The following SLC2A9 variants were observed in gnomAD, a reference collection of about 807,000 sequenced individuals.
The protein encoded by SLC2A9 is solute carrier family 2 member 9, also known as solute carrier family 2, facilitated glucose transporter member 9.
SLC2A9 carries 39 observed loss-of-function variants against 50.6 expected under a neutral mutation model. That is an observed-to-expected ratio of 0.77 (90% CI 0.60 to 1.01). The LOEUF is 1.01. Ranked by LOEUF, SLC2A9 falls within the 50% of genes least tolerant of loss-of-function variation. The pLI, the probability that SLC2A9 is intolerant of heterozygous loss-of-function variation, is 0.00. For synonymous variants in SLC2A9, 324 were observed against 276.9 expected (o/e 1.17, Z -1.69); for missense variants, 686 against 677.6 (o/e 1.01, Z -0.14).
chr4:10,007,569 A>T (rs570233412), intron 2 of SLC2A9, among the ~76,000 whole-genome samples: 1 of 152,360 alleles, frequency 6.6e-6, no homozygotes, highest in African/African-American at 2.4e-5. Context: ...ATTTGGCCCC[A>T]GGCAGAAGCA....
At chr4:9,847,010 C>T (rs1276855973) in intron 10 of SLC2A9, among the ~76,000 whole-genome samples, 1 of 152,194 alleles carries the variant, frequency 6.6e-6, no homozygotes, top group Non-Finnish European at 1.5e-5. Flanking sequence ...ACAGGTAAGT[C>T]GTATCTCTGG....
chr4:10,018,280 C>G (rs894287270), intron 2 of SLC2A9, among the ~76,000 whole-genome samples: 1 of 152,208 alleles, frequency 6.6e-6, no homozygotes, highest in African/African-American at 2.4e-5. Context: ...CACAGTGGCT[C>G]AAGCCTATAA....
intron 5 of SLC2A9, among the ~76,000 whole-genome samples, chr4:9,946,666 C>T (rs1268192848): frequency 6.6e-6 from 1 of 152,230 alleles, no homozygotes; most frequent in Non-Finnish European, 1.5e-5. Context: ...TAATGGCTTA[C>T]ATTGATCAAG....
At chr4:9,852,102 C>A (rs1301102944) in intron 10 of SLC2A9, among the ~76,000 whole-genome samples, 1 of 152,092 alleles carries the variant, frequency 6.6e-6, no homozygotes, top group African/African-American at 2.4e-5. Flanking sequence ...TCAGATTCTC[C>A]AAGGTCAAAA....
At chr4:9,995,743 C>T (rs76204769) in intron 3 of SLC2A9, 1 of 152,362 alleles carries the variant, frequency 6.6e-6, no homozygotes, top group Non-Finnish European at 1.5e-5. Flanking sequence ...TTTGGTCTAA[C>T]TCTTGTAACA....
intron 6 of SLC2A9, chr4:9,922,854 C>G (rs1744188374): frequency 6.6e-6 from 1 of 152,554 alleles, no homozygotes; most frequent in African/African-American, 2.4e-5. Context: ...CAAGGAGTTA[C>G]CTGCCGGCGC....
At chr4:9,850,844 T>C (rs1441756571) in intron 10 of SLC2A9, among the ~76,000 whole-genome samples, 1 of 152,068 alleles carries the variant, frequency 6.6e-6, no homozygotes, top group African/African-American at 2.4e-5. Flanking sequence ...CTGTGCCCCC[T>C]ACTGATACAT....
At chr4:9,782,101 G>A (rs779016797) in intron 3 of SLC2A9, 5 of 1,535,200 alleles carry the variant, frequency 3.3e-6, no homozygotes, top group South Asian at 1.3e-5. Context: ...TGGCGCAGGG[G>A]AACGCCGTGG....
intron 5 of SLC2A9, among the ~76,000 whole-genome samples, chr4:9,971,844 C>T (rs2109014348): frequency 6.6e-6 from 1 of 152,330 alleles, no homozygotes; most frequent in South Asian, 2.1e-4. Context: ...CAAAAGACTG[C>T]AAAAACCTTG....
chr4:9,845,503 C>T (rs1416821803), intron 10 of SLC2A9, among the ~76,000 whole-genome samples: 1 of 142,042 alleles, frequency 7.0e-6, no homozygotes, highest in Non-Finnish European at 1.5e-5. Flanking sequence ...GATCTCGGCT[C>T]ACTGCAAGCT....
At position 9,887,388 on chromosome 4, in the gene SLC2A9, T is replaced by C. The variant is rs150633689; in HGVS notation, c.1291+179A>G. On this transcript the variant is annotated intron_variant, in intron 10 of 11. Coordinates refer to ENST00000264784, the MANE Select transcript of SLC2A9 (RefSeq NM_020041.3). ...GAGTCCACTTTCACCTTCTGTGGGA[T>C]AGACTGCAGACAGTCGGCTACATTT... Among the ~76,000 whole-genome samples, 459 of 152,308 alleles carry C rather than the reference T, an allele frequency of 3.0e-3. 7 individuals carry two copies. The highest frequency in any genetic ancestry group is 0.011 in the African/African-American group (449 of 41,556).
chr4:10,003,523 C>T (rs1760226848), intron 2 of SLC2A9, among the ~76,000 whole-genome samples: 1 of 152,154 alleles, frequency 6.6e-6, no homozygotes, highest in Non-Finnish European at 1.5e-5. Context: ...ATAGCCTAGG[C>T]CCCCTGCAGG....
intron 10 of SLC2A9, chr4:9,880,318 A>G: frequency 2.0e-6 from 2 of 985,598 alleles, no homozygotes; most frequent in Non-Finnish European, 2.4e-6. Context: ...CTGGGTCAAC[A>G]CAGGGGGTTG....
At chr4:9,805,854 G>A (rs1722052964) in intron 3 of SLC2A9, among the ~76,000 whole-genome samples, 1 of 152,152 alleles carries the variant, frequency 6.6e-6, no homozygotes, top group Non-Finnish European at 1.5e-5. Context: ...GGTTTTCCAT[G>A]TAGCAACTAA....
intron 10 of SLC2A9, among the ~76,000 whole-genome samples, chr4:9,859,676 T>C (rs56136402): frequency 0.12 from 18,550 of 152,252 alleles, 1,334 homozygotes; most frequent in African/African-American, 0.18. Context: ...CTACTGTTTC[T>C]GACTTCTCTT....
intron 10 of SLC2A9, among the ~76,000 whole-genome samples, chr4:9,866,091 T>C (rs1170362382): frequency 6.6e-6 from 1 of 152,274 alleles, no homozygotes; most frequent in East Asian, 1.9e-4. Context: ...GCCCCAGTCC[T>C]TGCTTTGATA....
chr4:9,863,729 G>T (rs1732013645), intron 10 of SLC2A9, among the ~76,000 whole-genome samples: 2 of 152,066 alleles, frequency 1.3e-5, no homozygotes, highest in Admixed American at 6.5e-5. Flanking sequence ...TAGACCTGAT[G>T]AATGAGACTT....
intron 1 of SLC2A9, among the ~76,000 whole-genome samples, chr4:10,038,798 G>T (rs1156860627): frequency 6.6e-6 from 1 of 152,136 alleles, no homozygotes; most frequent in African/African-American, 2.4e-5. Flanking sequence ...TGATTCTTAG[G>T]CATGGAGGGC....
chr4:9,875,205 C>T (rs1430448326), intron 10 of SLC2A9, among the ~76,000 whole-genome samples: 7 of 141,830 alleles, frequency 4.9e-5, no homozygotes, highest in East Asian at 2.1e-4. Context: ...AGATGGGATG[C>T]TGTGTCTTTA....
Sources: gnomAD v4.1 joint callset for allele counts (sites outside exome capture counted in the v4.1 genomes callset) on GRCh38, gnomAD v4.1.1 for gene constraint, MANE v1.5 for transcripts, NCBI Gene and HGNC (gene_info 2026-07-23, HGNC 2026-07-21) for gene names.